TTC3: variants seen among roughly 807,000 people sequenced by gnomAD.
TTC3 encodes the protein tetratricopeptide repeat domain 3.
TTC3 carries 180 observed loss-of-function variants against 249.6 expected under a neutral mutation model. The ratio of observed to expected loss-of-function variants is 0.72; its 90% CI spans 0.64 to 0.82. The LOEUF is 0.82. Among genes scored for constraint, TTC3 ranks in the 40% least tolerant of loss-of-function variants. TTC3 has a pLI of 0.00. For synonymous variants in TTC3, 717 were observed against 805.0 expected, an observed-to-expected ratio of 0.89 and a Z score of 1.85; for missense variants, 2,061 against 2,398.4, an observed-to-expected ratio of 0.86 and a Z score of 2.94.
chr21:37,122,438 T>C (rs374158083), intron 12 of TTC3, among the ~76,000 whole-genome samples: 1 of 55,244 alleles, frequency 1.8e-5, no homozygotes, highest in South Asian at 6.4e-4. Context: ...ATATATATAT[T>C]ATATATATAT....
intron 16 of TTC3, among the ~76,000 whole-genome samples, chr21:37,131,408 C>T (rs2077459252): frequency 6.6e-6 from 1 of 152,180 alleles, no homozygotes; most frequent in African/African-American, 2.4e-5. Flanking sequence ...GCATGGGGAG[C>T]TTCTGGGCTG....
At position 37,121,802 on chromosome 21, in the gene TTC3, A is replaced by G. The variant is rs767727934; in HGVS notation, c.901-15A>G. On this transcript the variant is annotated splice_polypyrimidine_tract_variant and intron_variant, in intron 11 of 45. Coordinates refer to ENST00000355666, the Ensembl canonical transcript of TTC3. Reference sequence around the variant, plus strand: ...ATATTTTTGAGAAAAAATTAAATTTATCTTTTTGGAACAGGGTCATTATCG... The same window carrying G: ...ATATTTTTGAGAAAAAATTAAATTTGTCTTTTTGGAACAGGGTCATTATCG... 6.5e-7 allele frequency: 1 copy of G among 1,536,330 alleles called. No homozygotes were observed. Among genetic ancestry groups the G allele is most frequent in the Non-Finnish European group, 8.7e-7 (1 of 1,146,608 alleles).
intron 1 of TTC3, among the ~76,000 whole-genome samples, chr21:37,080,698 A>G (rs2147616959): frequency 6.6e-6 from 1 of 152,144 alleles, no homozygotes; most frequent in Middle Eastern, 3.4e-3. Flanking sequence ...CCTTTACTAT[A>G]TTGTGATCTT....
chr21:37,081,109 CTTTTTTT>C (rs58809719), intron 1 of TTC3, among the ~76,000 whole-genome samples: 3 of 58,190 alleles, frequency 5.2e-5, no homozygotes, highest in East Asian at 5.2e-4. Flanking sequence ...TTATTTATGC[CTTTTTTT>C]TTTTTTTTTT....
At chr21:37,153,342 C>A in intron 27 of TTC3, 65 bp downstream of exon 27, 1 of 1,369,984 alleles carries the variant, frequency 7.3e-7, no homozygotes, top group South Asian at 1.4e-5. Flanking sequence ...GTCTCTGAGT[C>A]ATTTTCATTT....
rs201503330 is a variant in TTC3, at chr21:37,135,517, A to C, written c.1578+3A>C. On this transcript the variant is annotated splice_donor_region_variant and intron_variant, in intron 18 of 45. Coordinates refer to ENST00000355666, the Ensembl canonical transcript of TTC3. ...GTTTAGATCCTCAAAAAATAAAGGT[A>C]AATTTGCCATATCATAACTTGTTTA... The C allele has an allele frequency of 5.6e-6, 9 of 1,611,344 alleles. No homozygotes were observed. Among genetic ancestry groups the C allele is most frequent in the Non-Finnish European group, 6.8e-6 (8 of 1,178,646 alleles).
chr21:37,187,229 A>C, intron 38 of TTC3, 84 bp downstream of exon 38: 2 of 1,001,174 alleles, frequency 2.0e-6, no homozygotes, highest in Non-Finnish European at 2.9e-6. Flanking sequence ...CATAACAGAC[A>C]TTACTGAAAA....
exon 4 of TTC3, chr21:37,088,339 G>C: frequency 1.2e-6 from 2 of 1,611,480 alleles, no homozygotes; most frequent in Non-Finnish European, 1.7e-6. Context: ...TCCCTGTGTG[G>C]ACGCCAAGTA....
Position 37,150,897 on chromosome 21 carries a change from ACAAT to A in TTC3, c.2276+20_2276+23del, listed in dbSNP as rs767116667. ...AGAAATGTTCTAGGTAAGATTTTTAACAATCAATCAGTGGTTTGATGATGTCTCT... is the reference window on the plus strand; with the variant it reads ...AGAAATGTTCTAGGTAAGATTTTTAACAATCAGTGGTTTGATGATGTCTCT... On this transcript the variant is annotated intron_variant, in intron 25 of 45. Transcript: ENST00000355666. 7.6e-6 allele frequency: 12 copies of A among 1,571,654 alleles called. No homozygotes were observed. In the East Asian group the frequency reaches 9.0e-5, roughly 12 times the overall value.
intron 11 of TTC3, among the ~76,000 whole-genome samples, chr21:37,110,844 A>G (rs1273404405): frequency 6.6e-6 from 1 of 152,108 alleles, no homozygotes; most frequent in Admixed American, 6.5e-5. Context: ...CCATCAGACT[A>G]ACTGCTGATC....
At chr21:37,097,830 G>A in intron 10 of TTC3, 1 of 587,000 alleles carries the variant, frequency 1.7e-6, no homozygotes, top group Non-Finnish European at 3.1e-6. Context: ...GCTTGTATGG[G>A]AGGGTGGGAG....
rs184468153 is a variant in TTC3, at chr21:37,147,549, G to T, written c.1962G>T (p.Gln654His). 1.9e-4 allele frequency: 310 copies of T among 1,611,538 alleles called. 1 individual carries two copies. Among genetic ancestry groups the T allele is most frequent in the Non-Finnish European group, 2.2e-5 (26 of 1,179,246 alleles). ...TGCCAGATGCCATTTGTTGCTATCA[G>T]AAGTGCCATGGATATTCTAAGATCC... The change falls in exon 22 of 46, where the codon CAG becomes CAT. Residue 654 changes from glutamine (Q) to histidine (H), a missense_variant. Coordinates refer to ENST00000355666, the Ensembl canonical transcript of TTC3.
At chr21:37,132,864 T>C in intron 17 of TTC3, 98 bp downstream of exon 17, 1 of 865,180 alleles carries the variant, frequency 1.2e-6, no homozygotes, top group South Asian at 2.2e-5. Flanking sequence ...CTAAGTTTTT[T>C]TTATATAATT....
Position 37,190,343 on chromosome 21 carries a change from C to T in TTC3, c.5025-991C>T, listed in dbSNP as rs572250669. 2.6e-5 allele frequency among the ~76,000 whole-genome samples: 4 copies of T among 151,582 alleles called. No homozygotes were observed. The East Asian group carries it at 7.8e-4, about 30-fold the overall frequency. ...TAGAGATAGCATTTCACCATGTTGGCCATGCTGGTCTCTAACTCCTGACCT... is the reference window on the plus strand; with the variant it reads ...TAGAGATAGCATTTCACCATGTTGGTCATGCTGGTCTCTAACTCCTGACCT... On this transcript the variant is annotated intron_variant, in intron 39 of 45. Transcript: ENST00000355666.
intron 27 of TTC3, among the ~76,000 whole-genome samples, chr21:37,154,334 A>G (rs1346983944): frequency 6.6e-6 from 1 of 152,202 alleles, no homozygotes; most frequent in African/African-American, 2.4e-5. Flanking sequence ...GTTTCAGAGA[A>G]GATACTGGTC....
intron 1 of TTC3, among the ~76,000 whole-genome samples, chr21:37,080,559 G>C (rs1422165449): frequency 1.3e-5 from 2 of 152,046 alleles, no homozygotes; most frequent in Non-Finnish European, 2.9e-5. Context: ...TGAGAGAAGT[G>C]TGTTGCAATA....
At chr21:37,104,588 C>CAAAAAAAAAAAAAAAA (rs141618903) in intron 10 of TTC3, among the ~76,000 whole-genome samples, 95 of 104,292 alleles carry the variant, frequency 9.1e-4, no homozygotes, top group African/African-American at 2.6e-3. Flanking sequence ...AACTCCGTCT[C>CAAAAAAAAAAAAAAAA]AAAAAAAAAA....
Position 37,165,684 on chromosome 21 carries a change from T to A in TTC3, c.3470T>A (p.Leu1157Ter). The change falls in exon 33 of 46, where the codon TTG becomes TAG. Residue 1157 changes from leucine (L) to a stop codon, truncating the protein, a stop_gained. Transcript: ENST00000355666. LOFTEE classifies it high-confidence loss of function. ...GCAGGAGGTTTAAAACCTTTTCTCT[T>A]GGGATGCCCTCGTTTTGTTGTGATT... The A allele has an allele frequency of 6.2e-7, 1 of 1,613,972 alleles. No homozygotes were observed. Among genetic ancestry groups the A allele is most frequent in the South Asian group, 1.1e-5 (1 of 91,078 alleles).
chr21:37,164,314 C>A, intron 32 of TTC3, 99 bp downstream of exon 32: 2 of 1,131,346 alleles, frequency 1.8e-6, no homozygotes, highest in Non-Finnish European at 2.4e-6. Context: ...GAGATTTTGC[C>A]ACATTTTACA....
Sources: gnomAD v4.1 joint callset for allele counts (sites outside exome capture counted in the v4.1 genomes callset) on GRCh38, gnomAD v4.1.1 for gene constraint, MANE v1.5 for transcripts, NCBI Gene and HGNC (gene_info 2026-07-23, HGNC 2026-07-21) for gene names.